The following PDE4D variants were observed in gnomAD, a reference collection of about 807,000 sequenced individuals.
PDE4D encodes phosphodiesterase 4D.
In PDE4D, 24 loss-of-function variants were observed where a neutral mutation model predicts 87.4. That is an observed-to-expected ratio of 0.27 (90% CI 0.20 to 0.39). PDE4D has a LOEUF of 0.39. PDE4D is among the 10% of genes least tolerant of loss of function. The pLI, the probability that PDE4D is intolerant of heterozygous loss-of-function variation, is 1.00. For missense variants in PDE4D, 714 were observed against 1,041.0 expected (o/e 0.69, Z 4.32); for synonymous variants, 384 against 383.2 (o/e 1.00, Z -0.02).
chr5:59,393,296 T>C (rs1052154520), intron 1 of PDE4D, among the ~76,000 whole-genome samples: 3 of 152,208 alleles, frequency 2.0e-5, no homozygotes, highest in South Asian at 4.1e-4. Flanking sequence ...ATACTGCTTA[T>C]ATACTGCCTA....
At chr5:59,340,631 T>C (rs2153581615) in intron 1 of PDE4D, among the ~76,000 whole-genome samples, 1 of 152,310 alleles carries the variant, frequency 6.6e-6, no homozygotes, top group African/African-American at 2.4e-5. Flanking sequence ...AATCATTCTA[T>C]CTAAATATAT....
chr5:59,173,374 T>C (rs768212658), intron 5 of PDE4D, among the ~76,000 whole-genome samples: 3 of 152,202 alleles, frequency 2.0e-5, no homozygotes, highest in Non-Finnish European at 4.4e-5. Flanking sequence ...ACAAATTCAT[T>C]TGTAAGAAAG....
At chr5:59,113,199 C>T (rs1321226840) in intron 5 of PDE4D, among the ~76,000 whole-genome samples, 1 of 152,188 alleles carries the variant, frequency 6.6e-6, no homozygotes, top group African/African-American at 2.4e-5. Flanking sequence ...GGCATCTTCA[C>T]TAGCAAGCCA....
chr5:60,419,634 T>A (rs955058056), intron 1 of PDE4D, among the ~76,000 whole-genome samples: 3 of 152,122 alleles, frequency 2.0e-5, no homozygotes, highest in African/African-American at 4.8e-5. Flanking sequence ...GAATTACAAA[T>A]TTTTTAAGAT....
chr5:59,230,015 G>A lies in PDE4D; in HGVS notation c.456-14047C>T, dbSNP rs13347326. Among the ~76,000 whole-genome samples the A allele has an allele frequency of 9.3e-3, 1,418 of 152,216 alleles. 27 individuals carry two copies. Among genetic ancestry groups the A allele is most frequent in the African/African-American group, 0.031 (1,288 of 41,538 alleles). On this transcript the variant is annotated intron_variant, in intron 1 of 14. Transcript: ENST00000340635. ...TTGGTCAGGCTGGTCTCGAACTCCCGACCTCAGGCGATCCGCCTGCCTCGG... is the reference window on the plus strand; with the variant it reads ...TTGGTCAGGCTGGTCTCGAACTCCCAACCTCAGGCGATCCGCCTGCCTCGG...
chr5:59,212,498 T>G (rs1468282553), intron 2 of PDE4D, among the ~76,000 whole-genome samples: 1 of 152,070 alleles, frequency 6.6e-6, no homozygotes, highest in African/African-American at 2.4e-5. Flanking sequence ...CTGAGTCTGA[T>G]CAGATAAAGA....
chr5:60,416,326 G>A (rs1382036989), intron 1 of PDE4D, among the ~76,000 whole-genome samples: 1 of 152,200 alleles, frequency 6.6e-6, no homozygotes, highest in African/African-American at 2.4e-5. Flanking sequence ...CAACCTGCTG[G>A]GGTCCCCTTC....
intron 2 of PDE4D, among the ~76,000 whole-genome samples, chr5:60,089,921 AAG>A (rs1167620518): frequency 6.6e-6 from 1 of 151,988 alleles, no homozygotes; most frequent in Non-Finnish European, 1.5e-5. Context: ...GAAAACCTAA[AAG>A]AAATGGATGA....
At chr5:59,618,733 C>T (rs1830001064) in intron 1 of PDE4D, among the ~76,000 whole-genome samples, 1 of 152,004 alleles carries the variant, frequency 6.6e-6, no homozygotes. Flanking sequence ...CCTTCCAAAA[C>T]TCATATTGAA....
At chr5:59,175,073 G>A (rs1783611818) in intron 5 of PDE4D, among the ~76,000 whole-genome samples, 1 of 152,156 alleles carries the variant, frequency 6.6e-6, no homozygotes, top group African/African-American at 2.4e-5. Context: ...ATGCTTACAA[G>A]GAAGGACTGT....
chr5:59,816,635 T>C (rs1769011441), intron 1 of PDE4D, among the ~76,000 whole-genome samples: 1 of 152,204 alleles, frequency 6.6e-6, no homozygotes, highest in African/African-American at 2.4e-5. Flanking sequence ...ATTTTGGCTG[T>C]TACCTAAGCC....
intron 1 of PDE4D, among the ~76,000 whole-genome samples, chr5:60,330,040 A>G (rs1397775258): frequency 1.4e-5 from 2 of 138,366 alleles, no homozygotes; most frequent in Admixed American, 1.4e-4. Flanking sequence ...TCTAAATGAG[A>G]TAAAAAAAGT....
Position 59,381,353 on chromosome 5 carries a change from G to A in PDE4D, c.456-165385C>T, listed in dbSNP as rs116463802. 8.5e-3 allele frequency among the ~76,000 whole-genome samples: 1,297 copies of A among 152,198 alleles called. 18 individuals carry two copies. Among genetic ancestry groups the A allele is most frequent in the African/African-American group, 0.029 (1,187 of 41,544 alleles). ...CAAATCGCTTTACCCATCAAGACCA[G>A]GAACTGAAGAACTTCTTCCTCCTTT... On this transcript the variant is annotated intron_variant, in intron 1 of 14. Coordinates refer to ENST00000340635, the MANE Select transcript of PDE4D (RefSeq NM_001104631.2).
intron 1 of PDE4D, among the ~76,000 whole-genome samples, chr5:60,384,882 T>C (rs1363237298): frequency 6.6e-6 from 1 of 152,162 alleles, no homozygotes; most frequent in Non-Finnish European, 1.5e-5. Context: ...CCCACACATT[T>C]CACCAAAAAT....
chr5:60,359,334 G>A (rs1405384540), intron 1 of PDE4D, among the ~76,000 whole-genome samples: 3 of 152,202 alleles, frequency 2.0e-5, no homozygotes, highest in African/African-American at 4.8e-5. Flanking sequence ...CTTGAGCCCC[G>A]GAGGTAGAGG....
At chr5:60,448,950 G>A (rs1305643011) in intron 1 of PDE4D, among the ~76,000 whole-genome samples, 1 of 151,982 alleles carries the variant, frequency 6.6e-6, no homozygotes, top group African/African-American at 2.4e-5. Flanking sequence ...CTTTCATAAA[G>A]CTGCCTGAAT....
At chr5:59,335,124 T>G (rs1004989013) in intron 1 of PDE4D, among the ~76,000 whole-genome samples, 1 of 152,218 alleles carries the variant, frequency 6.6e-6, no homozygotes, top group Admixed American at 6.5e-5. Context: ...ATATGTTTAA[T>G]GTTTTTCTTC....
Position 59,444,316 on chromosome 5 carries a change from C to T in PDE4D, c.456-228348G>A, listed in dbSNP as rs183272766. 1.8e-4 allele frequency among the ~76,000 whole-genome samples: 27 copies of T among 152,250 alleles called. No homozygotes were observed. The East Asian group carries it at 4.4e-3, about 25-fold the overall frequency. On this transcript the variant is annotated intron_variant, in intron 1 of 14. Transcript: ENST00000340635. ...ATATGACATTAATGCCGAAAGATAA[C>T]AAAGGAAAATGCTATGACCTGAAAG...
At chr5:60,098,848 G>C (rs959652881) in intron 2 of PDE4D, among the ~76,000 whole-genome samples, 1 of 151,954 alleles carries the variant, frequency 6.6e-6, no homozygotes, top group African/African-American at 2.4e-5. Flanking sequence ...TCTTCTTGCT[G>C]ATCTTAATGG....
Sources: allele counts gnomAD v4.1 joint callset (sites outside exome capture counted in the v4.1 genomes callset), GRCh38; gene constraint gnomAD v4.1.1; transcripts MANE v1.5; gene names NCBI Gene and HGNC (gene_info 2026-07-23, HGNC 2026-07-21).